Variants in KRT79 observed in about 807,000 individuals in gnomAD.
KRT79 encodes keratin, type II cytoskeletal 79.
In KRT79, 51 loss-of-function variants were observed where a neutral mutation model predicts 49.0. The observed-to-expected ratio is 1.04, with a 90% CI of 0.83 to 1.31. The LOEUF (loss-of-function observed/expected upper bound fraction) is 1.31, where lower values mean the gene tolerates loss of function less well. KRT79 is among the 40% of genes most tolerant of loss of function. KRT79 has a pLI of 0.00. For missense variants in KRT79, 728 were observed against 688.0 expected (o/e 1.06, Z -0.65); for synonymous variants, 312 against 286.6 (o/e 1.09, Z -0.90).
intron 1 of KRT79, among the ~76,000 whole-genome samples, chr12:52,832,052 T>G (rs1326111705): frequency 6.6e-6 from 1 of 152,160 alleles, no homozygotes; most frequent in Non-Finnish European, 1.5e-5. Flanking sequence ...GAGGAGTGCT[T>G]GAGCTCAGGA....
rs1034598825 is a variant in KRT79, at chr12:52,830,344, G to A, written c.699-52C>T. ...GGCTCAGCCTGGCTCTGCCTTTCAG[G>A]CATGGGACCCACTCAGCCTTACAGA... On this transcript the variant is annotated intron_variant, in intron 2 of 8. Coordinates refer to ENST00000330553, the MANE Select transcript of KRT79 (RefSeq NM_175834.3). 7.8e-6 allele frequency: 12 copies of A among 1,539,102 alleles called. 1 individual carries two copies.
chr12:52,834,173 G>C lies in KRT79; in HGVS notation c.88C>G (p.Arg30Gly), dbSNP rs142757937. 3 of 1,613,754 alleles carry C rather than the reference G, an allele frequency of 1.9e-6. No individual in the cohort carries two copies. The South Asian group carries it at 3.3e-5, about 18-fold the overall frequency. ...ACCGTCACTGAGCTGAAGCTGGTGCGGGCCTGGGACCCACTCCCTCCGCTG... is the reference window on the plus strand; with the variant it reads ...ACCGTCACTGAGCTGAAGCTGGTGCCGGCCTGGGACCCACTCCCTCCGCTG... ...SASGGSGSQA[R>G]TSFSSVTVSR... Residue 30 changes from arginine to glycine, a missense_variant, in exon 1 of 9, where the codon CGC becomes GGC. Physicochemically the swap from Arg to Gly is moderately radical, Grantham distance 125. Coordinates refer to ENST00000330553, the MANE Select transcript of KRT79 (RefSeq NM_175834.3).
At chr12:52,833,378 C>A (rs1229207393) in intron 1 of KRT79, among the ~76,000 whole-genome samples, 1 of 152,218 alleles carries the variant, frequency 6.6e-6, no homozygotes, top group African/African-American at 2.4e-5. Context: ...TCTTTCAACT[C>A]CTGAGCATTG....
At chr12:52,832,604 G>T in intron 1 of KRT79, among the ~76,000 whole-genome samples, 1 of 152,146 alleles carries the variant, frequency 6.6e-6, no homozygotes, top group Non-Finnish European at 1.5e-5. Context: ...AGTCACTAGG[G>T]GAGAGGGTGA....
chr12:52,831,390 G>A lies in KRT79; in HGVS notation c.698+16C>T. The A allele has an allele frequency of 1.9e-6, 3 of 1,611,946 alleles. No homozygotes were observed. Among genetic ancestry groups the A allele is most frequent in the South Asian group, 1.1e-5 (1 of 91,046 alleles). On this transcript the variant is annotated intron_variant, in intron 2 of 8. Transcript: ENST00000330553. ...TCCTCACTCCCACATGGCCCCGCCT[G>A]GCCTGCTCTCCTCACTTGTTCTTGA...
In KRT79 at chr12:52,821,857, T is replaced by C. The variant is rs1940092574; in HGVS notation, c.*15A>G. The C allele has an allele frequency of 1.2e-6, 2 of 1,611,532 alleles. No homozygotes were observed. The highest frequency in any genetic ancestry group is 1.3e-5 in the African/African-American group (1 of 74,840). On this transcript the variant is annotated 3_prime_UTR_variant, in exon 9 of 9. Coordinates refer to ENST00000330553, the MANE Select transcript of KRT79 (RefSeq NM_175834.3). ...GCAGGGACAGGATTGCAGGGGCCCT[T>C]GCAGGGCTCAGCAGCTAATACCTCT...
At position 52,831,472 on chromosome 12, in the gene KRT79, C is replaced by G; in HGVS notation, c.632G>C (p.Ser211Thr). 6.2e-7 allele frequency: 1 copy of G among 1,614,254 alleles called. No individual in the cohort carries two copies. The highest frequency in any genetic ancestry group is 8.5e-7 in the Non-Finnish European group (1 of 1,180,054). ...SMRSTLDRLQ[S>T]ERGRLDSELR... is the part of the protein sequence containing the mutation. Reference sequence around the variant, plus strand: ...CTCTGAGTCCAGCCTCCCCCGCTCGCTCTGAAGTCTGTCCAGCGTGCTCCG... The same window carrying G: ...CTCTGAGTCCAGCCTCCCCCGCTCGGTCTGAAGTCTGTCCAGCGTGCTCCG... Residue 211 changes from serine (S) to threonine (T), a missense_variant, in exon 2 of 9, where the codon AGC (serine) becomes ACC (threonine). Physicochemically the swap from Ser to Thr is moderately conservative, Grantham distance 58. Transcript: ENST00000330553.
At position 52,826,082 on chromosome 12, in the gene KRT79, C is replaced by T. The variant is rs548652387; in HGVS notation, c.856-1720G>A. Among the ~76,000 whole-genome samples the T allele has an allele frequency of 9.2e-5, 14 of 151,962 alleles. No homozygotes were observed. The South Asian group carries it at 1.5e-3, about 16-fold the overall frequency. On this transcript the variant is annotated intron_variant, in intron 4 of 8. Coordinates refer to ENST00000330553, the MANE Select transcript of KRT79 (RefSeq NM_175834.3). Reference sequence around the variant, plus strand: ...AGATGAACTGTCAGCATCATCTTGACGCATCCTGCCCCTGCCCTCCTTAGC... The same window carrying T: ...AGATGAACTGTCAGCATCATCTTGATGCATCCTGCCCCTGCCCTCCTTAGC...
chr12:52,830,903 T>A (rs114720471), intron 2 of KRT79, among the ~76,000 whole-genome samples: 4,198 of 152,284 alleles, frequency 0.028, 189 homozygotes, highest in African/African-American at 0.096. Flanking sequence ...TGTTTTAAAA[T>A]TTTTTAGGTG....
rs749324545 is a variant in KRT79 at position 52,830,225 on chromosome 12, G to A, written c.759+7C>T. ...AAGGACCACCTCCCCCACTCCACTC[G>A]GCTCACCTTCTTGAGCACCACAAAC... On this transcript the variant is annotated splice_region_variant and intron_variant, in intron 3 of 8. Coordinates refer to ENST00000330553, the MANE Select transcript of KRT79 (RefSeq NM_175834.3). 33 of 1,613,962 alleles carry A rather than the reference G, an allele frequency of 2.0e-5. No individual in the cohort carries two copies. Among genetic ancestry groups the A allele is most frequent in the South Asian group, 5.5e-5 (5 of 91,066 alleles).
intron 7 of KRT79, 102 bp downstream of exon 7, chr12:52,822,914 C>T (rs546578677): frequency 1.7e-5 from 20 of 1,188,570 alleles, no homozygotes; most frequent in East Asian, 2.5e-5. Context: ...ATCTTGCTCC[C>T]TGGTTCCTCT....
chr12:52,833,014 C>G (rs111504234), intron 1 of KRT79, among the ~76,000 whole-genome samples: 1 of 152,306 alleles, frequency 6.6e-6, no homozygotes, highest in African/African-American at 2.4e-5. Flanking sequence ...CATCATGACC[C>G]GCTGCCTTGG....
chr12:52,830,100 T>A lies in KRT79; in HGVS notation c.778A>T (p.Met260Leu). ...VLKKDVDAAY[M>L]GRMDLHGKVG... ...TTGCCATGCAGATCCATCCGGCCCA[T>A]GTATGCTGCATCCACATCCTGGGGA... Residue 260 changes from methionine (M) to leucine (L), a missense_variant, in exon 4 of 9, where the codon ATG becomes TTG. Physicochemically the swap from Met to Leu is conservative, Grantham distance 15 (BLOSUM62 2). Coordinates refer to ENST00000330553, the MANE Select transcript of KRT79 (RefSeq NM_175834.3). 3.7e-6 allele frequency: 6 copies of A among 1,614,142 alleles called. No individual in the cohort carries two copies. Among genetic ancestry groups the A allele is most frequent in the Non-Finnish European group, 5.1e-6 (6 of 1,180,008 alleles).
intron 7 of KRT79, 30 bp downstream of exon 7, chr12:52,822,986 C>G (rs373285079): frequency 1.8e-4 from 289 of 1,603,848 alleles, no homozygotes; most frequent in Middle Eastern, 5.9e-4. Flanking sequence ...CCCGACCCAG[C>G]TTTCTGGGTC....
At chr12:52,829,653 C>A (rs572732167) in intron 4 of KRT79, among the ~76,000 whole-genome samples, 1 of 152,334 alleles carries the variant, frequency 6.6e-6, no homozygotes, top group African/African-American at 2.4e-5. Flanking sequence ...GTAATCCCAG[C>A]ACTTTGGGAG....
chr12:52,824,036 G>A lies in KRT79; in HGVS notation c.1021-24C>T, dbSNP rs768459090. 3.1e-6 allele frequency: 5 copies of A among 1,614,002 alleles called. No individual in the cohort carries two copies. The South Asian group carries it at 3.3e-5, about 11-fold the overall frequency. On this transcript the variant is annotated intron_variant, in intron 5 of 8. Transcript: ENST00000330553. ...TACTGGGGACCAAAGAAGTGGCAGT[G>A]CGCTTTCAAATGGCCCCAGCCCACC...
intron 4 of KRT79, among the ~76,000 whole-genome samples, chr12:52,828,554 G>A (rs921538136): frequency 2.0e-5 from 3 of 152,168 alleles, no homozygotes; most frequent in African/African-American, 7.2e-5. Flanking sequence ...TTAAAATGTT[G>A]GGATGACACC....
intron 1 of KRT79, among the ~76,000 whole-genome samples, chr12:52,832,992 C>T (rs7964468): frequency 0.028 from 4,205 of 152,248 alleles, 190 homozygotes; most frequent in African/African-American, 0.096. Context: ...CATTTGTCTG[C>T]CAGACCTTCC....
chr12:52,831,915 C>G lies in KRT79; in HGVS notation c.478-289G>C, dbSNP rs77456555. On this transcript the variant is annotated intron_variant, in intron 1 of 8. Coordinates refer to ENST00000330553, the MANE Select transcript of KRT79 (RefSeq NM_175834.3). ...GTCGAATCATTTCTCTCTGAGTCTC[C>G]CTCTCTCACTTGTCCTGCATAAACT... Among the ~76,000 whole-genome samples the G allele has an allele frequency of 1.4e-3, 212 of 152,322 alleles. 3 individuals are homozygous for G. The East Asian group carries it at 0.038, about 28-fold the overall frequency.
Sources: allele counts gnomAD v4.1 joint callset (sites outside exome capture counted in the v4.1 genomes callset), GRCh38; gene constraint gnomAD v4.1.1; transcripts MANE v1.5; gene names NCBI Gene and HGNC (gene_info 2026-07-23, HGNC 2026-07-21).